Variants in TRIM55 observed in about 807,000 individuals in gnomAD.
TRIM55 encodes tripartite motif containing 55.
In TRIM55, 50 loss-of-function variants were observed where a neutral mutation model predicts 60.9. That is an observed-to-expected ratio of 0.82 (90% CI 0.65 to 1.04). TRIM55 has a LOEUF of 1.04. Among genes scored for constraint, TRIM55 ranks in the 50% least tolerant of loss-of-function variants. The pLI, the probability that TRIM55 is intolerant of heterozygous loss-of-function variation, is 0.00. For missense variants in TRIM55, 681 were observed against 666.9 expected (o/e 1.02, Z -0.23); for synonymous variants, 237 against 238.1 (o/e 1.00, Z 0.04).
chr8:66,151,336 G>A (rs1810405968), intron 7 of TRIM55, among the ~76,000 whole-genome samples: 1 of 152,132 alleles, frequency 6.6e-6, no homozygotes, highest in Admixed American at 6.5e-5. Context: ...TAATTGAAAA[G>A]TGAAAAACAA....
intron 9 of TRIM55, among the ~76,000 whole-genome samples, chr8:66,166,877 A>C (rs771334296): frequency 3.3e-5 from 5 of 152,212 alleles, no homozygotes; most frequent in Non-Finnish European, 4.4e-5. Flanking sequence ...CATGGGACTG[A>C]GGCAAAAATC....
intron 8 of TRIM55, 104 bp from the exon 9 acceptor site, chr8:66,153,943 G>A (rs1335865692): frequency 9.0e-6 from 10 of 1,110,880 alleles, no homozygotes; most frequent in Non-Finnish European, 1.3e-5. Context: ...TGCATGCAGG[G>A]AGCGCACAGT....
chr8:66,170,046 G>A (rs937186565), intron 9 of TRIM55, among the ~76,000 whole-genome samples: 1 of 152,088 alleles, frequency 6.6e-6, no homozygotes, highest in African/African-American at 2.4e-5. Flanking sequence ...GAAAAAGCAG[G>A]CCAGGTAACA....
At chr8:66,171,528 T>G (rs1811632984) in intron 9 of TRIM55, among the ~76,000 whole-genome samples, 1 of 152,230 alleles carries the variant, frequency 6.6e-6, no homozygotes, top group Non-Finnish European at 1.5e-5. Flanking sequence ...ATCTGTTGTT[T>G]ACCTTTTTAT....
At chr8:66,159,992 C>A (rs1810957088) in intron 9 of TRIM55, among the ~76,000 whole-genome samples, 1 of 152,012 alleles carries the variant, frequency 6.6e-6, no homozygotes, top group African/African-American at 2.4e-5. Context: ...CCTTTCATTT[C>A]TTTTAATTTT....
At chr8:66,122,725 CCTT>C (rs1808680510), upstream of TRIM55, among the ~76,000 whole-genome samples, 3 of 152,142 alleles carry the variant, frequency 2.0e-5, no homozygotes, top group African/African-American at 4.8e-5. Flanking sequence ...ACACATGACT[CCTT>C]CTAGCCTCTT....
At chr8:66,114,313 G>C in the TRIM55 span, among the ~76,000 whole-genome samples, 1 of 152,086 alleles carries the variant, frequency 6.6e-6, no homozygotes, top group African/African-American at 2.4e-5. Context: ...GCCCAAACTA[G>C]AGCTGAAAAG....
intron 9 of TRIM55, among the ~76,000 whole-genome samples, chr8:66,160,226 T>C (rs570987221): frequency 1.3e-4 from 20 of 152,322 alleles, no homozygotes; most frequent in African/African-American, 4.1e-4. Flanking sequence ...CTCCCACATA[T>C]AAGTGAGAAC....
chr8:66,149,989 C>A, intron 5 of TRIM55, 111 bp downstream of exon 5: 2 of 1,002,714 alleles, frequency 2.0e-6, no homozygotes, highest in Non-Finnish European at 2.9e-6. Flanking sequence ...ATTTTACCAA[C>A]TAAAATATAA....
chr8:66,141,196 AT>A (rs1276291153), intron 4 of TRIM55, among the ~76,000 whole-genome samples: 1 of 152,176 alleles, frequency 6.6e-6, no homozygotes, highest in African/African-American at 2.4e-5. Context: ...ATTAACATGA[AT>A]TTACTGTGAT....
At chr8:66,166,114 G>A (rs1307415877) in intron 9 of TRIM55, among the ~76,000 whole-genome samples, 6 of 151,814 alleles carry the variant, frequency 4.0e-5, no homozygotes, top group Admixed American at 1.3e-4. Flanking sequence ...TTTACCAGAA[G>A]GACAATAAAA....
chr8:66,133,675 T>C (rs1199202221), intron 2 of TRIM55, among the ~76,000 whole-genome samples: 1 of 152,158 alleles, frequency 6.6e-6, no homozygotes. Context: ...CTTCTCCCAA[T>C]GTTTAGCCTA....
intron 9 of TRIM55, among the ~76,000 whole-genome samples, chr8:66,173,969 T>C (rs2128988000): frequency 6.6e-6 from 1 of 152,320 alleles, no homozygotes; most frequent in African/African-American, 2.4e-5. Flanking sequence ...GTAAAAATTA[T>C]AGTAAGAAAA....
At chr8:66,151,852 AT>A (rs1810440643) in intron 7 of TRIM55, among the ~76,000 whole-genome samples, 1 of 29,710 alleles carries the variant, frequency 3.4e-5, no homozygotes, top group Non-Finnish European at 1.4e-4. Flanking sequence ...TCAAAAAATA[AT>A]AAATAAATAA....
intron 9 of TRIM55, among the ~76,000 whole-genome samples, chr8:66,155,148 A>T (rs1313353726): frequency 6.6e-6 from 1 of 152,126 alleles, no homozygotes; most frequent in East Asian, 1.9e-4. Context: ...GCCAGAAAGC[A>T]CTCTCCAGTT....
At chr8:66,155,199 A>T (rs1810671028) in intron 9 of TRIM55, among the ~76,000 whole-genome samples, 1 of 152,242 alleles carries the variant, frequency 6.6e-6, no homozygotes, top group South Asian at 2.1e-4. Flanking sequence ...ATGAACCACA[A>T]ACAACATGTT....
intron 9 of TRIM55, among the ~76,000 whole-genome samples, chr8:66,154,988 A>G (rs1260911175): frequency 1.3e-5 from 2 of 152,154 alleles, no homozygotes; most frequent in African/African-American, 4.8e-5. Context: ...TCTTCCCCCT[A>G]ACACTTGGTT....
chr8:66,151,432 C>G lies in TRIM55; in HGVS notation c.986-945C>G, dbSNP rs114567413. Among the ~76,000 whole-genome samples the G allele has an allele frequency of 7.6e-3, 1,159 of 152,304 alleles. 17 individuals are homozygous for G. Among genetic ancestry groups the G allele is most frequent in the African/African-American group, 0.026 (1,095 of 41,558 alleles). ...ACCCCTCAGCTAGACCACTAGACCA[C>G]TAGTAATGCTATGAGGCTGCACCAA... On this transcript the variant is annotated intron_variant, in intron 7 of 9. Transcript: ENST00000315962.
At chr8:66,170,584 A>G (rs1384275625) in intron 9 of TRIM55, among the ~76,000 whole-genome samples, 2 of 152,158 alleles carry the variant, frequency 1.3e-5, no homozygotes, top group Non-Finnish European at 2.9e-5. Context: ...TATCTGTGCC[A>G]GGTCCTTCTT....
Sources: gnomAD v4.1 joint callset for allele counts (sites outside exome capture counted in the v4.1 genomes callset) on GRCh38, gnomAD v4.1.1 for gene constraint, MANE v1.5 for transcripts, NCBI Gene and HGNC (gene_info 2026-07-23, HGNC 2026-07-21) for gene names.